Variants in LAP3 observed in about 807,000 individuals in gnomAD.
LAP3 encodes the protein cytosol aminopeptidase.
In LAP3, 46 loss-of-function variants were observed where a neutral mutation model predicts 58.8. The ratio of observed to expected loss-of-function variants is 0.78; its 90% confidence interval spans 0.62 to 1.00. The LOEUF is 1.00. LAP3 is among the 50% of genes least tolerant of loss of function. The pLI, the probability that LAP3 is intolerant of heterozygous loss-of-function variation, is 0.00. For synonymous variants in LAP3, 257 were observed against 237.7 expected (o/e 1.08, Z -0.75); for missense variants, 615 against 659.1 (o/e 0.93, Z 0.73).
chr4:17,606,944 T>A lies in LAP3; in HGVS notation c.1370+6T>A. On this transcript the variant is annotated splice_donor_region_variant and intron_variant, in intron 12 of 12. Transcript: ENST00000226299. ...AACAACATTGGAAAATACAGGTATG[T>A]AAGCTAAGCTAAATGTACATTTATA... The A allele has an allele frequency of 6.5e-7, 1 of 1,540,214 alleles. No homozygotes were observed.
chr4:17,578,259 A>G (rs1392097353), intron 1 of LAP3, among the ~76,000 whole-genome samples: 1 of 152,206 alleles, frequency 6.6e-6, no homozygotes, highest in Non-Finnish European at 1.5e-5. Context: ...CTTGAGCTCC[A>G]GTCTCCTGCA....
rs1339276942 is a variant in LAP3 at position 17,588,973 on chromosome 4, G to A, written c.859G>A (p.Asp287Asn). The change falls in exon 7 of 13, where the codon GAC (aspartate) becomes AAC (asparagine). Residue 287 changes from aspartate (D) to asparagine (N), a missense_variant. Physicochemically the swap from Asp to Asn is conservative, Grantham distance 23 (BLOSUM62 1). Coordinates refer to ENST00000226299, the MANE Select transcript of LAP3 (RefSeq NM_015907.3). ...GTTTGTTGGGAAAGGAATTACCTTT[G>A]ACAGGTATTTTTTATGGTGTCCGTG... ...LVFVGKGITF[D>N]SGGISIKASA... 6.2e-7 allele frequency: 1 copy of A among 1,613,426 alleles called. No individual in the cohort carries two copies. The highest frequency in any genetic ancestry group is 1.7e-5 in the Admixed American group (1 of 59,934).
chr4:17,603,821 TTTTTCTTTCTTTC>T (rs1714040527), intron 10 of LAP3, among the ~76,000 whole-genome samples: 1 of 87,390 alleles, frequency 1.1e-5, no homozygotes, highest in African/African-American at 3.4e-5. Flanking sequence ...GCCTTTTTTT[TTTTTCTTTCTTTC>T]TTTTTTTTTT....
intron 10 of LAP3, among the ~76,000 whole-genome samples, chr4:17,600,662 G>T (rs1713961334): frequency 6.6e-6 from 1 of 152,152 alleles, no homozygotes; most frequent in African/African-American, 2.4e-5. Flanking sequence ...TGAGCTTTCA[G>T]ACCACACCAG....
intron 9 of LAP3, 69 bp downstream of exon 9, chr4:17,597,203 C>A: frequency 7.8e-7 from 1 of 1,286,610 alleles, no homozygotes; most frequent in Non-Finnish European, 1.1e-6. Flanking sequence ...GCCACATAAC[C>A]ACAGCTAGGA....
rs1713215558 is a variant in LAP3 at position 17,577,242 on chromosome 4, G to A, written c.-224G>A. 5.4e-6 allele frequency: 2 copies of A among 370,686 alleles called. No individual in the cohort carries two copies. Among genetic ancestry groups the A allele is most frequent in the Non-Finnish European group, 9.5e-6 (2 of 211,454 alleles). The allele number at this position is 370,686 out of a possible 1,614,324, so 23.0% of individuals were successfully genotyped here. A position where few individuals can be genotyped will look rare whatever the true frequency, so the allele number is the denominator to read the frequency against. ...CACGAATGCGGGCGCACACGAATGC[G>A]GGCGCACCCTTGAGTCCCCTCCACA... is the stretch of plus-strand genomic sequence containing the variant. On this transcript the variant is annotated 5_prime_UTR_variant, in exon 1 of 13. Transcript: ENST00000226299.
At chr4:17,596,968 A>G in intron 8 of LAP3, 78 bp from the exon 9 acceptor site, 2 of 1,312,516 alleles carry the variant, frequency 1.5e-6, no homozygotes, top group Middle Eastern at 1.8e-4. Flanking sequence ...CTCATGGCTC[A>G]CAGGTGGCCT....
At chr4:17,601,940 C>T (rs1039018209) in intron 10 of LAP3, among the ~76,000 whole-genome samples, 8 of 152,096 alleles carry the variant, frequency 5.3e-5, no homozygotes, top group African/African-American at 1.4e-4. Flanking sequence ...CACACGGATA[C>T]GGAGGGCTGA....
intron 7 of LAP3, among the ~76,000 whole-genome samples, chr4:17,594,545 C>T (rs1713779810): frequency 6.6e-6 from 1 of 152,206 alleles, no homozygotes; most frequent in Admixed American, 6.5e-5. Context: ...GCCTGTGAAG[C>T]ATGTTGCTTC....
At chr4:17,600,704 TC>T (rs1032217268) in intron 10 of LAP3, among the ~76,000 whole-genome samples, 6 of 152,302 alleles carry the variant, frequency 3.9e-5, no homozygotes, top group Admixed American at 2.0e-4. Flanking sequence ...CTGAGCCCCT[TC>T]TGAGTTCCAG....
Position 17,585,387 on chromosome 4 carries a change from CAATT to C in LAP3, c.704+254_704+257del, listed in dbSNP as rs1464070491. 25 of 253,082 alleles carry C rather than the reference CAATT, an allele frequency of 9.9e-5. 1 individual carries two copies. In the East Asian group the frequency reaches 1.7e-3, roughly 18 times the overall value. The allele number at this position is 253,082 out of a possible 1,614,324, so 15.7% of individuals were successfully genotyped here. On this transcript the variant is annotated intron_variant, in intron 6 of 12. Transcript: ENST00000226299. ...ATTTCATAACTGTGTTATTCAGACA[CAATT>C]AACATGCCATAGAATTCACCAATGC...
rs1486030163 is a variant in LAP3 at position 17,595,341 on chromosome 4, C to T, written c.864-69C>T. On this transcript the variant is annotated intron_variant, in intron 7 of 12. Transcript: ENST00000226299. ...GCGTGAGCCACCGTGCCCATCTGTA[C>T]TTTTTAAATAAAGTGATTTTGGCCA... is the stretch of plus-strand genomic sequence containing the variant. 13 of 1,579,576 alleles carry T rather than the reference C, an allele frequency of 8.2e-6. No individual in the cohort carries two copies. In the East Asian group the frequency reaches 2.7e-4, roughly 33 times the overall value.
intron 6 of LAP3, chr4:17,587,713 A>G (rs1713564206): frequency 6.6e-6 from 1 of 152,172 alleles, no homozygotes; most frequent in Admixed American, 6.5e-5. Flanking sequence ...TCAGTTTTCT[A>G]GTTTGAACTA....
intron 6 of LAP3, 115 bp downstream of exon 6, chr4:17,585,251 A>ATG (rs1412565286): frequency 1.2e-6 from 1 of 837,592 alleles, no homozygotes; most frequent in Non-Finnish European, 1.9e-6. Context: ...GAGATTTGAG[A>ATG]TGACCCACTT....
At chr4:17,597,412 G>T (rs1201251454) in intron 9 of LAP3, among the ~76,000 whole-genome samples, 1 of 152,132 alleles carries the variant, frequency 6.6e-6, no homozygotes, top group Non-Finnish European at 1.5e-5. Flanking sequence ...GAGTAGCTGG[G>T]ACCACAGGTG....
At chr4:17,601,624 A>G (rs1250291820) in intron 10 of LAP3, among the ~76,000 whole-genome samples, 1 of 152,136 alleles carries the variant, frequency 6.6e-6, no homozygotes, top group African/African-American at 2.4e-5. Context: ...CAGATACCAA[A>G]CCCACGATGC....
chr4:17,579,422 G>A (rs780525774), intron 1 of LAP3, among the ~76,000 whole-genome samples: 2 of 152,336 alleles, frequency 1.3e-5, no homozygotes, highest in Non-Finnish European at 2.9e-5. Context: ...TTTCTCAAGC[G>A]CCTTTGGCTG....
At chr4:17,579,057 C>T (rs1290670836) in intron 1 of LAP3, among the ~76,000 whole-genome samples, 2 of 152,134 alleles carry the variant, frequency 1.3e-5, no homozygotes, top group Admixed American at 6.5e-5. Context: ...ACTATTTTTA[C>T]GTGTACACAG....
In LAP3 at chr4:17,585,069, A is replaced by G. The variant is rs1412710157; in HGVS notation, c.637A>G (p.Thr213Ala). Residue 213 changes from threonine to alanine, a missense_variant, in exon 6 of 13, where the codon ACC becomes GCC. Coordinates refer to ENST00000226299, the MANE Select transcript of LAP3 (RefSeq NM_015907.3). ...METPANEMTP[T>A]RFAEIIEKNL... ...GACGCCAGCCAATGAGATGACGCCA[A>G]CCAGATTTGCTGAAATTATTGAGAA... is the stretch of plus-strand genomic sequence containing the variant. 1.9e-6 allele frequency: 3 copies of G among 1,614,096 alleles called. No individual in the cohort carries two copies. The highest frequency in any genetic ancestry group is 1.7e-5 in the Admixed American group (1 of 60,018).
Sources: allele counts gnomAD v4.1 joint callset (sites outside exome capture counted in the v4.1 genomes callset), GRCh38; gene constraint gnomAD v4.1.1; transcripts MANE v1.5; gene names NCBI Gene and HGNC (gene_info 2026-07-23, HGNC 2026-07-21).